ZNF423: variants seen among roughly 807,000 people sequenced by gnomAD.
ZNF423 encodes Ebf-associated zinc finger protein.
A neutral mutation model predicts 95.8 loss-of-function variants in ZNF423; 12 were observed. The ratio of observed to expected loss-of-function variants is 0.13; its 90% CI spans 0.08 to 0.20. The LOEUF is 0.20. Among genes scored for constraint, ZNF423 ranks in the 10% least tolerant of loss-of-function variants. The pLI, the probability that ZNF423 is intolerant of heterozygous loss-of-function variation, is 1.00. For missense variants in ZNF423, 1,316 were observed against 1,737.1 expected (o/e 0.76, Z 4.31); for synonymous variants, 749 against 711.9 (o/e 1.05, Z -0.83).
intron 7 of ZNF423, among the ~76,000 whole-genome samples, chr16:49,507,600 A>G (rs1967696940): frequency 6.6e-6 from 1 of 150,902 alleles, no homozygotes; most frequent in Admixed American, 6.6e-5. Flanking sequence ...CCTCCGCTCA[A>G]ACACTCAAAC....
chr16:49,747,200 A>C (rs1426288887), intron 2 of ZNF423, among the ~76,000 whole-genome samples: 3 of 152,206 alleles, frequency 2.0e-5, no homozygotes, highest in Non-Finnish European at 4.4e-5. Context: ...CATCTCCATG[A>C]ACAGCAGATC....
intron 7 of ZNF423, among the ~76,000 whole-genome samples, chr16:49,501,366 T>C (rs1967392226): frequency 6.6e-6 from 1 of 152,192 alleles, no homozygotes; most frequent in South Asian, 2.1e-4. Context: ...GCAAGAAAAC[T>C]GGAAATTTAG....
In ZNF423 at chr16:49,802,983, G is replaced by A. The variant is rs143060580; in HGVS notation, c.41-13437C>T. ...AAAAACAGAGACCAAGGACCAGCCC[G>A]ATGGCTCACACTTGCAATTCCAGGG... On this transcript the variant is annotated intron_variant, in intron 1 of 7. Coordinates refer to ENST00000563137, the MANE Select transcript of ZNF423 (RefSeq NM_001379286.1). 1.1e-4 allele frequency among the ~76,000 whole-genome samples: 16 copies of A among 152,248 alleles called. No homozygotes were observed. In the East Asian group the frequency reaches 2.5e-3, roughly 24 times the overall value.
At chr16:49,536,034 T>G (rs1682194254) in intron 5 of ZNF423, among the ~76,000 whole-genome samples, 2 of 152,340 alleles carry the variant, frequency 1.3e-5, no homozygotes, top group South Asian at 4.1e-4. Flanking sequence ...ACATCATTTT[T>G]TGTCCCCACC....
chr16:49,664,353 G>A, intron 3 of ZNF423: 1 of 926,662 alleles, frequency 1.1e-6, no homozygotes, highest in South Asian at 5.0e-5. Context: ...AGGGCCTTGG[G>A]GAAGAAAAGG....
chr16:49,648,890 A>G (rs1973283724), intron 3 of ZNF423, among the ~76,000 whole-genome samples: 1 of 152,164 alleles, frequency 6.6e-6, no homozygotes, highest in Non-Finnish European at 1.5e-5. Context: ...ATTGCTCTGG[A>G]GCAATCTCAG....
At chr16:49,519,989 T>C (rs1260858230) in intron 7 of ZNF423, among the ~76,000 whole-genome samples, 2 of 152,174 alleles carry the variant, frequency 1.3e-5, no homozygotes, top group Non-Finnish European at 1.5e-5. Context: ...GCATGCCACC[T>C]CCTCGGGGAG....
chr16:49,823,048 T>TG (rs1390727645), intron 1 of ZNF423, among the ~76,000 whole-genome samples: 8 of 152,228 alleles, frequency 5.3e-5, no homozygotes, highest in African/African-American at 1.7e-4. Context: ...TGGTGACTAA[T>TG]GACTCTGGGC....
At chr16:49,706,859 C>T (rs1388252549) in intron 3 of ZNF423, among the ~76,000 whole-genome samples, 1 of 152,182 alleles carries the variant, frequency 6.6e-6, no homozygotes, top group African/African-American at 2.4e-5. Flanking sequence ...CACAAGGGCA[C>T]CTTCGGCCTC....
chr16:49,805,262 G>A (rs1362109808), intron 1 of ZNF423, among the ~76,000 whole-genome samples: 3 of 152,244 alleles, frequency 2.0e-5, no homozygotes, highest in African/African-American at 4.8e-5. Context: ...TCACTTGGCA[G>A]CAGACTGTGC....
chr16:49,544,325 C>G lies in ZNF423; in HGVS notation c.3602-18831G>C, dbSNP rs1053767930. Among the ~76,000 whole-genome samples, 3 of 152,226 alleles carry G rather than the reference C, an allele frequency of 2.0e-5. No homozygotes were observed. The South Asian group carries it at 6.2e-4, about 31-fold the overall frequency. Reference sequence around the variant, plus strand: ...TCTGGATGTGTTCTATTTCTGCAAACTCATCAAGCTGTGCACTTAAGAGGT... The same window carrying G: ...TCTGGATGTGTTCTATTTCTGCAAAGTCATCAAGCTGTGCACTTAAGAGGT... On this transcript the variant is annotated intron_variant, in intron 5 of 7. Transcript: ENST00000563137.
chr16:49,681,300 T>C (rs993398332), intron 3 of ZNF423, among the ~76,000 whole-genome samples: 2 of 152,152 alleles, frequency 1.3e-5, no homozygotes, highest in Non-Finnish European at 2.9e-5. Context: ...TCCAACAGCA[T>C]CCAGACTACA....
At chr16:49,802,341 C>A (rs1439621448) in intron 1 of ZNF423, among the ~76,000 whole-genome samples, 2 of 152,260 alleles carry the variant, frequency 1.3e-5, no homozygotes, top group African/African-American at 4.8e-5. Flanking sequence ...GAGGAGAGTT[C>A]ATCTCTTGGG....
At chr16:49,756,465 C>T (rs1053553734) in intron 2 of ZNF423, among the ~76,000 whole-genome samples, 7 of 152,172 alleles carry the variant, frequency 4.6e-5, no homozygotes, top group African/African-American at 1.4e-4. Context: ...GGCCAGTCCC[C>T]GCCACACTGA....
intron 3 of ZNF423, among the ~76,000 whole-genome samples, chr16:49,656,864 T>C (rs182637861): frequency 3.3e-5 from 5 of 152,332 alleles, no homozygotes; most frequent in East Asian, 1.9e-4. Context: ...ACCAGCCCCA[T>C]TTTATAGATG....
intron 5 of ZNF423, among the ~76,000 whole-genome samples, chr16:49,529,565 G>A (rs535942420): frequency 2.6e-5 from 4 of 152,272 alleles, no homozygotes; most frequent in Admixed American, 6.5e-5. Context: ...GCATCGTGCC[G>A]AGATGATAGC....
intron 1 of ZNF423, among the ~76,000 whole-genome samples, chr16:49,817,183 G>C (rs1399241301): frequency 6.6e-6 from 1 of 152,194 alleles, no homozygotes. Context: ...CTGAGGCTCT[G>C]GCCACCTGAC....
At chr16:49,701,257 C>A (rs748040276) in intron 3 of ZNF423, among the ~76,000 whole-genome samples, 4 of 152,162 alleles carry the variant, frequency 2.6e-5, no homozygotes, top group Admixed American at 2.0e-4. Context: ...TGCATGCGCA[C>A]GTGTGTGTGT....
chr16:49,547,854 A>AT (rs1398179241), intron 5 of ZNF423, among the ~76,000 whole-genome samples: 3 of 152,136 alleles, frequency 2.0e-5, no homozygotes, highest in Admixed American at 1.3e-4. Context: ...TAGGATGGGG[A>AT]TTTTTTTCAC....
Sources: allele counts gnomAD v4.1 joint callset (sites outside exome capture counted in the v4.1 genomes callset), GRCh38; gene constraint gnomAD v4.1.1; transcripts MANE v1.5; gene names NCBI Gene and HGNC (gene_info 2026-07-23, HGNC 2026-07-21).